Variants in PPP3CA observed in about 807,000 individuals in gnomAD.
PPP3CA encodes the protein protein phosphatase 3 catalytic subunit alpha, also known as CAM-PRP catalytic subunit.
PPP3CA carries 14 observed loss-of-function variants against 66.5 expected under a neutral mutation model. The ratio of observed to expected loss-of-function variants is 0.21; its 90% CI spans 0.14 to 0.33. The LOEUF (loss-of-function observed/expected upper bound fraction) is 0.33, where lower values mean the gene tolerates loss of function less well. PPP3CA is among the 10% of genes least tolerant of loss of function. The pLI, the probability that PPP3CA is intolerant of heterozygous loss-of-function variation, is 1.00. For missense variants in PPP3CA, 317 were observed against 639.5 expected (o/e 0.50, Z 5.44); for synonymous variants, 232 against 226.2 (o/e 1.03, Z -0.23).
chr4:101,288,964 T>C (rs1046770035), intron 1 of PPP3CA, among the ~76,000 whole-genome samples: 4 of 151,966 alleles, frequency 2.6e-5, no homozygotes, highest in African/African-American at 7.3e-5. Context: ...ACAGAAATCC[T>C]GAAAGTGAGG....
chr4:101,124,790 A>G (rs1485115251), intron 2 of PPP3CA, among the ~76,000 whole-genome samples: 1 of 126,402 alleles, frequency 7.9e-6, no homozygotes, highest in Non-Finnish European at 1.6e-5. Context: ...AAAGAAAGAA[A>G]GAAAGAAAGA....
chr4:101,176,878 T>A (rs1188308010), intron 2 of PPP3CA, among the ~76,000 whole-genome samples: 1 of 152,160 alleles, frequency 6.6e-6, no homozygotes, highest in East Asian at 1.9e-4. Context: ...ATATTTTACT[T>A]AAAATTCCTA....
chr4:101,082,145 A>G (rs1255268342), intron 7 of PPP3CA, among the ~76,000 whole-genome samples: 1 of 152,258 alleles, frequency 6.6e-6, no homozygotes, highest in Non-Finnish European at 1.5e-5. Context: ...TAGTGACACC[A>G]TAGCCTTGAC....
At chr4:101,220,629 CCTAT>C (rs1026479469) in intron 1 of PPP3CA, among the ~76,000 whole-genome samples, 7 of 151,672 alleles carry the variant, frequency 4.6e-5, no homozygotes, top group Non-Finnish European at 8.9e-5. Flanking sequence ...AATTATTCTT[CCTAT>C]CTGTTACATG....
intron 1 of PPP3CA, among the ~76,000 whole-genome samples, chr4:101,212,451 G>A (rs550400999): frequency 2.0e-5 from 3 of 152,188 alleles, no homozygotes; most frequent in Admixed American, 6.5e-5. Flanking sequence ...AACACACATC[G>A]GGGCTTGTCA....
chr4:101,035,966 C>T (rs1032596678), intron 11 of PPP3CA, among the ~76,000 whole-genome samples: 1 of 152,150 alleles, frequency 6.6e-6, no homozygotes, highest in Non-Finnish European at 1.5e-5. Context: ...CTTCTATCTC[C>T]AGATCCGTGC....
chr4:101,342,177 G>A (rs886878304), intron 1 of PPP3CA, among the ~76,000 whole-genome samples: 1 of 152,114 alleles, frequency 6.6e-6, no homozygotes, highest in East Asian at 1.9e-4. Context: ...TCATTAATTA[G>A]ATTCTAGATG....
At chr4:101,048,750 A>G (rs1221193058) in intron 10 of PPP3CA, among the ~76,000 whole-genome samples, 1 of 152,050 alleles carries the variant, frequency 6.6e-6, no homozygotes, top group Non-Finnish European at 1.5e-5. Context: ...AAATCACTCT[A>G]AAGCAAATAT....
intron 1 of PPP3CA, among the ~76,000 whole-genome samples, chr4:101,298,099 G>T (rs1327284274): frequency 6.6e-6 from 1 of 151,986 alleles, no homozygotes; most frequent in African/African-American, 2.4e-5. Context: ...CAGTTCCAAA[G>T]ACCTAGGACT....
At chr4:101,222,024 A>G (rs1396756470) in intron 1 of PPP3CA, among the ~76,000 whole-genome samples, 2 of 151,582 alleles carry the variant, frequency 1.3e-5, no homozygotes, top group Non-Finnish European at 3.0e-5. Flanking sequence ...TTAACGATCT[A>G]TTGAATTTTT....
At chr4:101,069,861 A>C (rs553683819) in intron 8 of PPP3CA, among the ~76,000 whole-genome samples, 2 of 152,338 alleles carry the variant, frequency 1.3e-5, no homozygotes, top group South Asian at 2.1e-4. Context: ...ATTATATACT[A>C]TAAGAATACA....
intron 1 of PPP3CA, among the ~76,000 whole-genome samples, chr4:101,287,187 CA>C (rs924795718): frequency 8.7e-5 from 13 of 149,988 alleles, no homozygotes; most frequent in African/African-American, 2.7e-4. Context: ...AACTGACAGA[CA>C]AAAAAAAATA....
chr4:101,119,929 T>C (rs1333671763), intron 2 of PPP3CA, among the ~76,000 whole-genome samples: 2 of 152,104 alleles, frequency 1.3e-5, no homozygotes, highest in African/African-American at 2.4e-5. Flanking sequence ...AGTAAAAATA[T>C]ATGAGCTTAC....
intron 13 of PPP3CA, among the ~76,000 whole-genome samples, chr4:101,026,790 T>C (rs890376695): frequency 5.3e-5 from 8 of 152,036 alleles, no homozygotes; most frequent in Non-Finnish European, 1.2e-4. Context: ...CCTTCAGCAG[T>C]GAACAGGTCA....
At chr4:101,248,910 C>T (rs1726577863) in intron 1 of PPP3CA, among the ~76,000 whole-genome samples, 1 of 152,188 alleles carries the variant, frequency 6.6e-6, no homozygotes, top group East Asian at 1.9e-4. Flanking sequence ...CCTGTAATCC[C>T]AACACTTTGG....
intron 1 of PPP3CA, among the ~76,000 whole-genome samples, chr4:101,327,101 G>A (rs2110328999): frequency 6.6e-6 from 1 of 152,198 alleles, no homozygotes; most frequent in Non-Finnish European, 1.5e-5. Context: ...TCATCCATGT[G>A]GTCACAATAT....
intron 2 of PPP3CA, among the ~76,000 whole-genome samples, chr4:101,138,436 T>C (rs1230867589): frequency 6.6e-6 from 1 of 152,256 alleles, no homozygotes; most frequent in Non-Finnish European, 1.5e-5. Context: ...AGTAGGTTTA[T>C]ATAAATGGTA....
chr4:101,238,400 G>C (rs192030002), intron 1 of PPP3CA, among the ~76,000 whole-genome samples: 1 of 151,336 alleles, frequency 6.6e-6, no homozygotes, highest in African/African-American at 2.4e-5. Context: ...GAAATAACAG[G>C]TTTTTTTACA....
chr4:101,106,838 A>C (rs1292321310), intron 3 of PPP3CA, among the ~76,000 whole-genome samples: 1 of 152,228 alleles, frequency 6.6e-6, no homozygotes, highest in Non-Finnish European at 1.5e-5. Context: ...CATGAAAATC[A>C]GAGCAAGAAA....
Sources: gnomAD v4.1 joint callset for allele counts (sites outside exome capture counted in the v4.1 genomes callset) on GRCh38, gnomAD v4.1.1 for gene constraint, MANE v1.5 for transcripts, NCBI Gene and HGNC (gene_info 2026-07-23, HGNC 2026-07-21) for gene names.